The following NMNAT2 variants were observed in gnomAD, a reference collection of about 807,000 sequenced individuals.
NMNAT2 encodes the protein nicotinamide nucleotide adenylyltransferase 2, also known as nicotinamide/nicotinic acid mononucleotide adenylyltransferase 2.
NMNAT2 carries 11 observed loss-of-function variants against 41.6 expected under a neutral mutation model. That is an observed-to-expected ratio of 0.26 (90% CI 0.17 to 0.44). NMNAT2 has a LOEUF of 0.44. Ranked by LOEUF, NMNAT2 falls within the 20% of genes least tolerant of loss-of-function variation. The pLI, the probability that NMNAT2 is intolerant of heterozygous loss-of-function variation, is 1.00. For missense variants in NMNAT2, 288 were observed against 407.7 expected (o/e 0.71, Z 2.53); for synonymous variants, 148 against 151.2 (o/e 0.98, Z 0.16).
chr1:183,323,088 T>A (rs1662386372), intron 1 of NMNAT2, among the ~76,000 whole-genome samples: 1 of 152,122 alleles, frequency 6.6e-6, no homozygotes, highest in African/African-American at 2.4e-5. Context: ...TGAGCCACCA[T>A]GCCAGGCTTA....
In NMNAT2 at chr1:183,320,580, C is replaced by T. The variant is rs577396326; in HGVS notation, c.86-26787G>A. Among the ~76,000 whole-genome samples the T allele has an allele frequency of 8.5e-5, 13 of 152,234 alleles. No individual in the cohort carries two copies. In the South Asian group the frequency reaches 2.1e-3, roughly 24 times the overall value. ...AAGATCAACTGCACTCCAGCCTGGG[C>T]GACAGAGCGAGACTCCATCTCAAGA... On this transcript the variant is annotated intron_variant, in intron 1 of 10. Coordinates refer to ENST00000287713, the MANE Select transcript of NMNAT2 (RefSeq NM_015039.4).
intron 1 of NMNAT2, among the ~76,000 whole-genome samples, chr1:183,343,041 T>C (rs181614861): frequency 3.3e-5 from 5 of 152,210 alleles, no homozygotes; most frequent in Admixed American, 1.3e-4. Context: ...CCATCCAGCC[T>C]CAAACTCATT....
intron 1 of NMNAT2, among the ~76,000 whole-genome samples, chr1:183,383,340 G>T (rs939299718): frequency 3.3e-5 from 5 of 152,162 alleles, no homozygotes; most frequent in Non-Finnish European, 5.9e-5. Flanking sequence ...TTCCACCAAG[G>T]TCTCTGGAAT....
intron 1 of NMNAT2, among the ~76,000 whole-genome samples, chr1:183,397,304 C>T (rs1001526927): frequency 3.3e-5 from 5 of 151,648 alleles, no homozygotes; most frequent in Admixed American, 6.6e-5. Flanking sequence ...AGTTACCTAA[C>T]GGGTATCAGT....
intron 1 of NMNAT2, among the ~76,000 whole-genome samples, chr1:183,307,293 C>T (rs1173937234): frequency 6.7e-6 from 1 of 148,318 alleles, no homozygotes; most frequent in Non-Finnish European, 1.5e-5. Context: ...TTAAGTGAAA[C>T]CAAACAAAGG....
rs991315917 is a variant in NMNAT2, at chr1:183,393,780, T to C, written c.85+24403A>G. Among the ~76,000 whole-genome samples, 6 of 152,150 alleles carry C rather than the reference T, an allele frequency of 3.9e-5. No homozygotes were observed. The East Asian group carries it at 1.2e-3, about 29-fold the overall frequency. On this transcript the variant is annotated intron_variant, in intron 1 of 10. Transcript: ENST00000287713. ...CATGTTGGCCAGGCTGGTCTCGAAC[T>C]CCTGACCTCAGGTAATCCTCCCGCC...
chr1:183,293,290 G>A (rs1387440196), intron 2 of NMNAT2, among the ~76,000 whole-genome samples: 1 of 152,244 alleles, frequency 6.6e-6, no homozygotes, highest in Non-Finnish European at 1.5e-5. Context: ...GGAGGGATGA[G>A]CAGGGATATG....
At chr1:183,411,119 GT>G (rs1649105614) in intron 1 of NMNAT2, among the ~76,000 whole-genome samples, 1 of 152,064 alleles carries the variant, frequency 6.6e-6, no homozygotes, top group South Asian at 2.1e-4. Flanking sequence ...GTCCAGAGTG[GT>G]AACTTCCTCC....
At chr1:183,407,682 T>C (rs1362198610) in intron 1 of NMNAT2, among the ~76,000 whole-genome samples, 1 of 152,198 alleles carries the variant, frequency 6.6e-6, no homozygotes, top group Non-Finnish European at 1.5e-5. Flanking sequence ...TGCTAAGTAC[T>C]ATAAGAGAGG....
intron 1 of NMNAT2, among the ~76,000 whole-genome samples, chr1:183,373,456 C>T (rs1168217868): frequency 6.6e-6 from 1 of 152,078 alleles, no homozygotes; most frequent in Non-Finnish European, 1.5e-5. Context: ...CAGCACTAGG[C>T]CTGACAGGGC....
intron 1 of NMNAT2, among the ~76,000 whole-genome samples, chr1:183,302,403 A>G (rs1441718628): frequency 2.0e-5 from 3 of 152,208 alleles, no homozygotes; most frequent in Non-Finnish European, 4.4e-5. Context: ...CCTAGAACAG[A>G]TTAGACCTAA....
rs567549617 is a variant in NMNAT2 at position 183,393,902 on chromosome 1, A to G, written c.85+24281T>C. ...AAAACATTAACTGAGTGCTTCCCAG[A>G]TTCAACATTGTTCTCTAAATGGGAT... On this transcript the variant is annotated intron_variant, in intron 1 of 10. Coordinates refer to ENST00000287713, the MANE Select transcript of NMNAT2 (RefSeq NM_015039.4). Among the ~76,000 whole-genome samples the G allele has an allele frequency of 5.9e-5, 9 of 152,298 alleles. No homozygotes were observed. The South Asian group carries it at 1.2e-3, about 21-fold the overall frequency.
chr1:183,360,582 G>A (rs930215089), intron 1 of NMNAT2, among the ~76,000 whole-genome samples: 1 of 152,192 alleles, frequency 6.6e-6, no homozygotes, highest in African/African-American at 2.4e-5. Context: ...AGGAATCTGA[G>A]AGTTTCTCTG....
intron 1 of NMNAT2, among the ~76,000 whole-genome samples, chr1:183,296,183 T>A (rs1661691586): frequency 6.6e-6 from 1 of 152,068 alleles, no homozygotes; most frequent in Non-Finnish European, 1.5e-5. Flanking sequence ...TAAATGATAG[T>A]CTATTGTCTG....
intron 1 of NMNAT2, among the ~76,000 whole-genome samples, chr1:183,409,532 G>C (rs1034203946): frequency 6.6e-6 from 1 of 152,052 alleles, no homozygotes; most frequent in Non-Finnish European, 1.5e-5. Flanking sequence ...GCCCAGGCTG[G>C]TCTCGAACCC....
chr1:183,284,575 G>T (rs1661351599), intron 6 of NMNAT2, 135 bp downstream of exon 6: 1 of 766,632 alleles, frequency 1.3e-6, no homozygotes, highest in Admixed American at 1.8e-5. Flanking sequence ...GATACGTTGT[G>T]CACAAGTACG....
At chr1:183,270,642 C>T (rs1016109358) in intron 8 of NMNAT2, among the ~76,000 whole-genome samples, 2 of 152,174 alleles carry the variant, frequency 1.3e-5, no homozygotes, top group East Asian at 1.9e-4. Flanking sequence ...GGATTCCAGA[C>T]TCAAGTCAAC....
intron 1 of NMNAT2, among the ~76,000 whole-genome samples, chr1:183,325,852 A>G (rs1159357633): frequency 6.6e-6 from 1 of 152,128 alleles, no homozygotes; most frequent in Non-Finnish European, 1.5e-5. Flanking sequence ...AAAGAAGTAA[A>G]TATTTATGAA....
At chr1:183,343,705 C>G (rs1465253191) in intron 1 of NMNAT2, among the ~76,000 whole-genome samples, 1 of 152,106 alleles carries the variant, frequency 6.6e-6, no homozygotes, top group Non-Finnish European at 1.5e-5. Flanking sequence ...TGTCTACTGG[C>G]CCCCTCCAAT....
Sources: allele counts gnomAD v4.1 joint callset (sites outside exome capture counted in the v4.1 genomes callset), GRCh38; gene constraint gnomAD v4.1.1; transcripts MANE v1.5; gene names NCBI Gene and HGNC (gene_info 2026-07-23, HGNC 2026-07-21).